The following NR3C2 variants were observed in gnomAD, a reference collection of about 807,000 sequenced individuals.
NR3C2 encodes nuclear receptor subfamily 3 group C member 2, also known as mineralocorticoid receptor.
A neutral mutation model predicts 86.4 loss-of-function variants in NR3C2; 15 were observed. That is an observed-to-expected ratio of 0.17 (90% confidence interval 0.12 to 0.27). The LOEUF (loss-of-function observed/expected upper bound fraction) is 0.27. Ranked by LOEUF, NR3C2 falls within the 10% of genes least tolerant of loss-of-function variation. The pLI, the probability that NR3C2 is intolerant of heterozygous loss-of-function variation, is 1.00. For missense variants in NR3C2, 960 were observed against 1,195.6 expected (o/e 0.80, Z 2.91); for synonymous variants, 458 against 450.5 (o/e 1.02, Z -0.21).
intron 2 of NR3C2, among the ~76,000 whole-genome samples, chr4:148,304,384 G>A (rs11099689): frequency 0.24 from 29,203 of 122,022 alleles, 3,842 homozygotes; most frequent in East Asian, 0.46. Context: ...CCCTCTCCCT[G>A]TACAAACTGG....
chr4:148,407,267 T>C (rs1040893610), intron 2 of NR3C2, among the ~76,000 whole-genome samples: 1 of 152,190 alleles, frequency 6.6e-6, no homozygotes, highest in East Asian at 1.9e-4. Flanking sequence ...GCATTTATAA[T>C]ACAGGAGAAA....
At chr4:148,187,994 T>C (rs1453480174) in intron 4 of NR3C2, among the ~76,000 whole-genome samples, 1 of 152,172 alleles carries the variant, frequency 6.6e-6, no homozygotes. Flanking sequence ...ATCTTATGTT[T>C]TTGTTTATTT....
upstream of NR3C2, chr4:148,444,003 G>A (rs1048222288): frequency 1.2e-4 from 116 of 985,240 alleles, 1 homozygote; most frequent in Non-Finnish European, 1.3e-4. Flanking sequence ...GCTGCCCCCG[G>A]CGTCCCCGCA....
intron 2 of NR3C2, among the ~76,000 whole-genome samples, chr4:148,303,900 C>T (rs1251120840): frequency 1.3e-5 from 2 of 151,644 alleles, no homozygotes; most frequent in African/African-American, 4.8e-5. Flanking sequence ...CTAGATCCCC[C>T]TGTTAACATG....
At chr4:148,251,367 T>C (rs1038374932) in intron 3 of NR3C2, among the ~76,000 whole-genome samples, 2 of 152,346 alleles carry the variant, frequency 1.3e-5, no homozygotes, top group African/African-American at 4.8e-5. Flanking sequence ...TTGATGACAG[T>C]CAATTTAGCA....
At chr4:148,295,419 C>T (rs1282405121) in intron 2 of NR3C2, among the ~76,000 whole-genome samples, 2 of 151,600 alleles carry the variant, frequency 1.3e-5, no homozygotes, top group Non-Finnish European at 2.9e-5. Context: ...TCCAACTCCC[C>T]GCATCCAGTG....
At position 148,435,282 on chromosome 4, in the gene NR3C2, T is replaced by A. The variant is rs1749987198; in HGVS notation, c.1579A>T (p.Ile527Phe). 1 of 1,614,154 alleles carries A rather than the reference T, an allele frequency of 6.2e-7. No homozygotes were observed. The highest frequency in any genetic ancestry group is 8.5e-7 in the Non-Finnish European group (1 of 1,180,026). The change falls in exon 2 of 9, where the codon ATT (isoleucine) becomes TTT (phenylalanine). Residue 527 changes from isoleucine (I) to phenylalanine (F), a missense_variant. Around this residue, in one of 4 missense-constraint regions of NR3C2, gnomAD observed 680 missense variants for 719.0 expected, o/e 0.95. Transcript: ENST00000358102. ...NSGGQSFHYR[I>F]GAQGTISLSR... ...AAAGATATTGTACCTTGAGCACCAA[T>A]CCTGTAGTGGAAGGACTGTCCACCT... is the stretch of plus-strand genomic sequence containing the variant.
upstream of NR3C2, chr4:148,444,092 G>C: frequency 1.0e-6 from 1 of 985,286 alleles, no homozygotes; most frequent in South Asian, 4.7e-5. Context: ...AGCGAACTGG[G>C]CATCGATCTC....
In NR3C2 at chr4:148,318,532, C is replaced by T. The variant is rs989153835; in HGVS notation, c.1758-58415G>A. 5.3e-5 allele frequency among the ~76,000 whole-genome samples: 8 copies of T among 151,402 alleles called. No homozygotes were observed. The East Asian group carries it at 1.4e-3, about 26-fold the overall frequency. ...TCCTATTTCTCCACATCCTCTCCAG[C>T]ACCTGTTGTTTCCTGACTTTTTAAT... On this transcript the variant is annotated intron_variant, in intron 2 of 8. Coordinates refer to ENST00000358102, the MANE Select transcript of NR3C2 (RefSeq NM_000901.5).
intron 6 of NR3C2, among the ~76,000 whole-genome samples, chr4:148,135,844 CAGG>C (rs1295187858): frequency 1.3e-5 from 2 of 151,462 alleles, no homozygotes; most frequent in East Asian, 3.9e-4. Context: ...ATCACGAGGT[CAGG>C]AGATCGAGAC....
intron 3 of NR3C2, among the ~76,000 whole-genome samples, chr4:148,216,859 A>C (rs377186345): frequency 1.3e-5 from 2 of 152,190 alleles, no homozygotes; most frequent in African/African-American, 4.8e-5. Context: ...TCACAACCAG[A>C]GGTACGGTCT....
chr4:148,347,650 A>G (rs1213694721), intron 2 of NR3C2, among the ~76,000 whole-genome samples: 1 of 152,140 alleles, frequency 6.6e-6, no homozygotes, highest in Non-Finnish European at 1.5e-5. Flanking sequence ...TAACTTTCCC[A>G]AAGCGTTTAT....
intron 2 of NR3C2, among the ~76,000 whole-genome samples, chr4:148,355,639 C>G (rs61761533): frequency 2.6e-4 from 39 of 152,180 alleles, no homozygotes; most frequent in Non-Finnish European, 2.9e-4. Context: ...TCATCCCCTA[C>G]AGGAAGGGCA....
At chr4:148,431,468 C>A (rs1360438493) in intron 2 of NR3C2, among the ~76,000 whole-genome samples, 1 of 152,122 alleles carries the variant, frequency 6.6e-6, no homozygotes, top group African/African-American at 2.4e-5. Context: ...AACTGAGGCT[C>A]AGAGCGGTTT....
At chr4:148,228,269 T>G (rs149009739) in intron 3 of NR3C2, among the ~76,000 whole-genome samples, 1 of 68,710 alleles carries the variant, frequency 1.5e-5, no homozygotes, top group Non-Finnish European at 3.4e-5. Flanking sequence ...CATGAATAGT[T>G]GCATTATTTA....
At chr4:148,134,714 T>C (rs1482182043) in intron 6 of NR3C2, among the ~76,000 whole-genome samples, 2 of 142,804 alleles carry the variant, frequency 1.4e-5, no homozygotes, top group Non-Finnish European at 3.0e-5. Context: ...TGTGGCACAA[T>C]CTCGGCTCAC....
At chr4:148,084,956 A>G (rs969177874) in intron 8 of NR3C2, among the ~76,000 whole-genome samples, 2 of 152,234 alleles carry the variant, frequency 1.3e-5, no homozygotes, top group East Asian at 1.9e-4. Flanking sequence ...AGTGCTAACT[A>G]TCCTAAATAT....
chr4:148,165,367 G>A (rs1170229499), intron 4 of NR3C2, among the ~76,000 whole-genome samples: 1 of 151,962 alleles, frequency 6.6e-6, no homozygotes, highest in African/African-American at 2.4e-5. Context: ...AGTGTAATTT[G>A]TGTACTAAGA....
At chr4:148,084,253 AG>A (rs199981758) in intron 8 of NR3C2, among the ~76,000 whole-genome samples, 9,642 of 152,274 alleles carry the variant, frequency 0.063, 1,028 homozygotes, top group African/African-American at 0.21. Context: ...AAAAATGTTA[AG>A]GGGAAGCCAG....
Sources: allele counts gnomAD v4.1 joint callset (sites outside exome capture counted in the v4.1 genomes callset), GRCh38; gene constraint gnomAD v4.1.1; regional missense constraint gnomAD v4.1.1; transcripts MANE v1.5; gene names NCBI Gene and HGNC (gene_info 2026-07-23, HGNC 2026-07-21).